DNAJC1: variants seen among roughly 807,000 people sequenced by gnomAD.
DNAJC1 encodes DnaJ heat shock protein family (Hsp40) member C1, also known as dnaJ homolog subfamily C member 1.
A neutral mutation model predicts 76.6 loss-of-function variants in DNAJC1; 58 were observed. The observed-to-expected ratio is 0.76, with a 90% confidence interval of 0.61 to 0.94. DNAJC1 has a LOEUF of 0.94. Ranked by LOEUF, DNAJC1 falls within the 40% of genes least tolerant of loss-of-function variation. The pLI is 0.00. For missense variants in DNAJC1, 689 were observed against 677.3 expected, an observed-to-expected ratio of 1.02 and a Z score of -0.19; for synonymous variants, 258 against 267.9, an observed-to-expected ratio of 0.96 and a Z score of 0.36.
intron 9 of DNAJC1, chr10:21,804,025 A>G: frequency 1.1e-6 from 1 of 933,376 alleles, no homozygotes; most frequent in Non-Finnish European, 1.3e-6. Flanking sequence ...TGAATTTGCA[A>G]AAGTTTAAAA....
At chr10:21,930,207 C>A (rs1469201457) in intron 1 of DNAJC1, among the ~76,000 whole-genome samples, 3 of 152,196 alleles carry the variant, frequency 2.0e-5, no homozygotes, top group African/African-American at 7.2e-5. Context: ...AACTCCTGAC[C>A]TCAAGTGATC....
At chr10:21,857,187 G>T (rs1307413954) in intron 8 of DNAJC1, among the ~76,000 whole-genome samples, 1 of 152,110 alleles carries the variant, frequency 6.6e-6, no homozygotes, top group East Asian at 1.9e-4. Context: ...ATTTTGGTTT[G>T]GGGGCCATTT....
At chr10:21,801,296 T>A (rs750365687) in intron 9 of DNAJC1, among the ~76,000 whole-genome samples, 3 of 151,716 alleles carry the variant, frequency 2.0e-5, no homozygotes, top group Admixed American at 6.6e-5. Context: ...ATAAGGAGCT[T>A]AAATAATCCC....
At chr10:21,796,041 C>T (rs942563778) in intron 9 of DNAJC1, among the ~76,000 whole-genome samples, 17 of 149,768 alleles carry the variant, frequency 1.1e-4, no homozygotes, top group African/African-American at 3.9e-4. Context: ...ATGATCTTGG[C>T]TCACTGCAAC....
intron 7 of DNAJC1, among the ~76,000 whole-genome samples, chr10:21,889,460 T>G (rs1836424552): frequency 6.6e-6 from 1 of 152,136 alleles, no homozygotes; most frequent in Non-Finnish European, 1.5e-5. Context: ...ATGGAGAACT[T>G]TTCCACATTC....
At chr10:21,965,515 T>C (rs909608821) in intron 1 of DNAJC1, among the ~76,000 whole-genome samples, 4 of 152,146 alleles carry the variant, frequency 2.6e-5, no homozygotes, top group African/African-American at 9.7e-5. Flanking sequence ...CCCAGAAAAT[T>C]AGGCATTCCT....
At chr10:21,835,776 A>G (rs1835441870) in intron 8 of DNAJC1, among the ~76,000 whole-genome samples, 1 of 152,210 alleles carries the variant, frequency 6.6e-6, no homozygotes. Flanking sequence ...AGTTTACATA[A>G]AAAAGAATGA....
chr10:21,815,732 C>T (rs143399801), intron 8 of DNAJC1, among the ~76,000 whole-genome samples: 36 of 151,750 alleles, frequency 2.4e-4, no homozygotes, highest in Non-Finnish European at 4.1e-4. Context: ...AAGGATGAGG[C>T]AGAGGTCAAG....
chr10:21,786,838 T>C (rs1442641884), intron 9 of DNAJC1, among the ~76,000 whole-genome samples: 3 of 152,154 alleles, frequency 2.0e-5, no homozygotes, highest in Non-Finnish European at 2.9e-5. Context: ...AATGTTATTT[T>C]CTGGGTACTA....
chr10:21,895,849 C>G (rs1201765951), intron 7 of DNAJC1, among the ~76,000 whole-genome samples: 1 of 152,186 alleles, frequency 6.6e-6, no homozygotes, highest in Non-Finnish European at 1.5e-5. Context: ...ACTTGTGAAA[C>G]CATGGGGCTT....
At chr10:21,967,326 A>G (rs1837910546) in intron 1 of DNAJC1, among the ~76,000 whole-genome samples, 1 of 152,042 alleles carries the variant, frequency 6.6e-6, no homozygotes, top group Non-Finnish European at 1.5e-5. Context: ...ATTTAGCACA[A>G]TGTTTTTGAG....
At chr10:21,823,036 A>G (rs935842515) in intron 8 of DNAJC1, among the ~76,000 whole-genome samples, 1 of 152,082 alleles carries the variant, frequency 6.6e-6, no homozygotes, top group African/African-American at 2.4e-5. Flanking sequence ...GAAAAGGGAT[A>G]AGAATGCAGG....
chr10:21,763,079 G>T (rs1175260762), intron 10 of DNAJC1, among the ~76,000 whole-genome samples: 1 of 151,986 alleles, frequency 6.6e-6, no homozygotes, highest in African/African-American at 2.4e-5. Context: ...CACAGGCATG[G>T]GCCACAACAC....
intron 8 of DNAJC1, among the ~76,000 whole-genome samples, chr10:21,839,796 A>C (rs1349637356): frequency 6.6e-6 from 1 of 152,106 alleles, no homozygotes; most frequent in South Asian, 2.1e-4. Flanking sequence ...GAGACACAAC[A>C]AAAAAAGAGA....
At chr10:21,927,938 T>C (rs1418133976) in intron 3 of DNAJC1, among the ~76,000 whole-genome samples, 1 of 152,206 alleles carries the variant, frequency 6.6e-6, no homozygotes, top group African/African-American at 2.4e-5. Flanking sequence ...TAACCCTGAA[T>C]GCAGAATTGC....
At chr10:21,902,465 C>T (rs968401368) in intron 7 of DNAJC1, among the ~76,000 whole-genome samples, 1 of 152,038 alleles carries the variant, frequency 6.6e-6, no homozygotes, top group Non-Finnish European at 1.5e-5. Flanking sequence ...CCACCATGCC[C>T]AGCTAATTTT....
intron 6 of DNAJC1, among the ~76,000 whole-genome samples, chr10:21,917,025 G>C (rs770192063): frequency 6.6e-6 from 1 of 151,884 alleles, no homozygotes; most frequent in Non-Finnish European, 1.5e-5. Context: ...TTAAAAATTA[G>C]ATTTAAAAGG....
chr10:21,782,915 C>G (rs999250926), intron 9 of DNAJC1, among the ~76,000 whole-genome samples: 6 of 152,148 alleles, frequency 3.9e-5, no homozygotes, highest in African/African-American at 1.4e-4. Flanking sequence ...ATAGTAAGAG[C>G]TATTTATGAC....
chr10:21,933,593 C>T (rs1564831513), intron 1 of DNAJC1, among the ~76,000 whole-genome samples: 1 of 151,602 alleles, frequency 6.6e-6, no homozygotes, highest in Non-Finnish European at 1.5e-5. Context: ...TGTAAACTGC[C>T]CAACTGAGTG....
Sources: allele counts gnomAD v4.1 joint callset (sites outside exome capture counted in the v4.1 genomes callset), GRCh38; gene constraint gnomAD v4.1.1; transcripts MANE v1.5; gene names NCBI Gene and HGNC (gene_info 2026-07-23, HGNC 2026-07-21).